Variants in FRYL observed in about 807,000 individuals in gnomAD.
FRYL encodes the protein FRY like transcription coactivator, also known as protein furry homolog-like.
In FRYL, 150 loss-of-function variants were observed where a neutral mutation model predicts 351.2. The ratio of observed to expected loss-of-function variants is 0.43; its 90% CI spans 0.37 to 0.49. The LOEUF (loss-of-function observed/expected upper bound fraction) is 0.49. Ranked by LOEUF, FRYL falls within the 20% of genes least tolerant of loss-of-function variation. The pLI, the probability that FRYL is intolerant of heterozygous loss-of-function variation, is 0.00. For synonymous variants in FRYL, 1,153 were observed against 1,257.1 expected (o/e 0.92, Z 1.75); for missense variants, 3,036 against 3,619.3 (o/e 0.84, Z 4.13).
At chr4:48,515,821 A>G (rs1305461376) in intron 55 of FRYL, among the ~76,000 whole-genome samples, 3 of 152,154 alleles carry the variant, frequency 2.0e-5, no homozygotes, top group African/African-American at 7.2e-5. Flanking sequence ...TTACTTGGAA[A>G]TATGTGCTTT....
Position 48,547,768 on chromosome 4 carries a change from C to A in FRYL, c.4890G>T (p.Gly1630=). The stretch of plus-strand genomic sequence containing the variant: ...ACACCTCAGGGTGGCAGTGGTCAAA[C>A]CCTAAAAAGGATAGTAGAGAAACAT... The part of the protein sequence containing the change: ...LHLLLHAIFI[G]FDHCHPEVYE... The change falls in exon 41 of 64, where the codon GGG becomes GGT. Residue 1630 remains glycine, a splice_region_variant and synonymous_variant. Coordinates refer to ENST00000358350, the MANE Select transcript of FRYL (RefSeq NM_015030.2). The A allele has an allele frequency of 6.7e-7, 1 of 1,482,426 alleles. No individual in the cohort carries two copies. Among genetic ancestry groups the A allele is most frequent in the Non-Finnish European group, 9.1e-7 (1 of 1,100,886 alleles). 91.8% of individuals were successfully genotyped at this position (1,482,426 alleles called of 1,614,324 possible).
intron 3 of FRYL, chr4:48,680,934 T>G: frequency 8.2e-7 from 1 of 1,217,714 alleles, no homozygotes; most frequent in Non-Finnish European, 1.1e-6. Flanking sequence ...CTTTACCTAG[T>G]TGTTGGTGTT....
intron 2 of FRYL, among the ~76,000 whole-genome samples, chr4:48,699,951 A>G (rs1184564602): frequency 6.6e-6 from 1 of 152,216 alleles, no homozygotes; most frequent in Non-Finnish European, 1.5e-5. Flanking sequence ...TATTTATTAG[A>G]GTAAAGCAAA....
At chr4:48,717,023 C>CA (rs1345197820) in intron 1 of FRYL, among the ~76,000 whole-genome samples, 1 of 147,584 alleles carries the variant, frequency 6.8e-6, no homozygotes, top group Non-Finnish European at 1.5e-5. Context: ...ATCGCAAGAA[C>CA]AAAAAACCAA....
chr4:48,634,756 T>C (rs1488156255), intron 3 of FRYL, among the ~76,000 whole-genome samples: 3 of 152,214 alleles, frequency 2.0e-5, no homozygotes, highest in Non-Finnish European at 4.4e-5. Flanking sequence ...GTTGTTGTTG[T>C]TGTTCATGGT....
At position 48,540,903 on chromosome 4, in the gene FRYL, A is replaced by C; in HGVS notation, c.5745T>G (p.Thr1915=). Reference sequence around the variant, plus strand: ...GACTTGTGCTTAGATTGAGTTGTCCAGTGCTTTTCCTGTTAGCTGCATACT... The same window carrying C: ...GACTTGTGCTTAGATTGAGTTGTCCCGTGCTTTTCCTGTTAGCTGCATACT... ...GNKYAANRKS[T]GQLNLSTSPI... is the part of the protein sequence containing the mutation. Residue 1915 remains threonine, a synonymous_variant, in exon 46 of 64, where the codon ACT becomes ACG. Coordinates refer to ENST00000358350, the MANE Select transcript of FRYL (RefSeq NM_015030.2). 6.8e-6 allele frequency: 11 copies of C among 1,612,726 alleles called. No individual in the cohort carries two copies. Among genetic ancestry groups the C allele is most frequent in the Non-Finnish European group, 9.3e-6 (11 of 1,178,956 alleles).
chr4:48,560,134 T>C (rs1397870886), intron 33 of FRYL, among the ~76,000 whole-genome samples: 2 of 151,752 alleles, frequency 1.3e-5, no homozygotes, highest in Admixed American at 6.6e-5. Context: ...GGAGCAAGAA[T>C]GGGAAGGGCC....
chr4:48,645,405 G>A (rs546827820), intron 3 of FRYL, among the ~76,000 whole-genome samples: 30 of 151,996 alleles, frequency 2.0e-4, no homozygotes, highest in African/African-American at 5.8e-4. Context: ...CACAAAAATG[G>A]CAAAGGATGG....
chr4:48,733,414 G>A (rs1308491339), intron 1 of FRYL, among the ~76,000 whole-genome samples: 2 of 151,644 alleles, frequency 1.3e-5, no homozygotes, highest in Admixed American at 6.6e-5. Context: ...GTTGCTGGTG[G>A]ACCTGCCTTG....
At chr4:48,679,045 T>C (rs1361192900) in intron 3 of FRYL, among the ~76,000 whole-genome samples, 1 of 152,166 alleles carries the variant, frequency 6.6e-6, no homozygotes, top group Non-Finnish European at 1.5e-5. Context: ...TAGGCTGTAG[T>C]AAAGTGAAGA....
chr4:48,742,934 G>A (rs1375076995), intron 1 of FRYL, among the ~76,000 whole-genome samples: 5 of 142,364 alleles, frequency 3.5e-5, no homozygotes, highest in Non-Finnish European at 7.6e-5. Context: ...AACCTCCCAA[G>A]TAGCTGGGAT....
rs532741045 is a variant in FRYL at position 48,684,061 on chromosome 4, C to T, written c.-81+612G>A. 1.4e-4 allele frequency among the ~76,000 whole-genome samples: 21 copies of T among 152,312 alleles called. 1 individual carries two copies. The highest frequency in any genetic ancestry group is 8.3e-4 in the South Asian group (4 of 4,820). Reference sequence around the variant, plus strand: ...TCACTGTTAACCTCACCATTCTCAACTGCACTTTCAACTGGAGAGAGCAAG... The same window carrying T: ...TCACTGTTAACCTCACCATTCTCAATTGCACTTTCAACTGGAGAGAGCAAG... On this transcript the variant is annotated intron_variant, in intron 3 of 63. Coordinates refer to ENST00000358350, the MANE Select transcript of FRYL (RefSeq NM_015030.2).
chr4:48,540,384 T>C lies in FRYL; in HGVS notation c.6264A>G (p.Lys2088=). The C allele has an allele frequency of 1.2e-6, 2 of 1,613,790 alleles. No homozygotes were observed. The highest frequency in any genetic ancestry group is 1.7e-6 in the Non-Finnish European group (2 of 1,179,786). ...HLLSKLISVS[K]HTLVDPSQLS... The stretch of plus-strand genomic sequence containing the variant: ...ATTGGGAAGGATCCACCAATGTATG[T>C]TTGGAGACAGAAATGAGTTTACTGA... Residue 2088 remains lysine, a synonymous_variant, in exon 46 of 64, where the codon AAA becomes AAG. Transcript: ENST00000358350.
chr4:48,546,247 T>C lies in FRYL; in HGVS notation c.5099A>G (p.Asp1700Gly). 1.9e-6 allele frequency: 3 copies of C among 1,612,798 alleles called. No individual in the cohort carries two copies. Among genetic ancestry groups the C allele is most frequent in the Non-Finnish European group, 2.5e-6 (3 of 1,178,940 alleles). Residue 1700 changes from aspartate to glycine, a missense_variant, in exon 42 of 64, where the codon GAT becomes GGT. Asp to Gly is a moderately conservative substitution (Grantham distance 94). Around this residue, in one of 7 missense-constraint regions of FRYL, gnomAD observed 1,987 missense variants for 2,311.7 expected, o/e 0.86. Transcript: ENST00000358350. ...FTAGINDFIP[D>G]YQPSPMTDSG... ...GTCAGTCATAGGGGAGGGCTGGTAA[T>C]CAGGTATAAAATCGTTAATGCCTGC... is the stretch of plus-strand genomic sequence containing the variant.
intron 4 of FRYL, among the ~76,000 whole-genome samples, chr4:48,633,721 C>T (rs1391384780): frequency 6.6e-6 from 1 of 152,148 alleles, no homozygotes; most frequent in African/African-American, 2.4e-5. Context: ...TCTTCTGCAA[C>T]CATTTCTACT....
Position 48,708,923 on chromosome 4 carries a change from T to TTTTTTG in FRYL, c.-204+1590_-204+1595dup, listed in dbSNP as rs1553866674. Among the ~76,000 whole-genome samples the TTTTTTG allele has an allele frequency of 2.9e-4, 42 of 147,340 alleles. 1 individual carries two copies. In the South Asian group the frequency reaches 8.4e-3, roughly 30 times the overall value. On this transcript the variant is annotated intron_variant, in intron 2 of 63. Transcript: ENST00000358350. ...AAGGTATCGTGTGTTTTTTTTTTTGTTTTTTGTTTTTTTTTTTGAGATGGA... is the reference window on the plus strand; with the variant it reads ...AAGGTATCGTGTGTTTTTTTTTTTGTTTTTTGTTTTTGTTTTTTTTTTTGAGATGGA...
intron 31 of FRYL, 150 bp downstream of exon 31, chr4:48,563,798 A>G (rs959621009): frequency 4.2e-6 from 3 of 719,342 alleles, no homozygotes; most frequent in Non-Finnish European, 6.8e-6. Context: ...GCATCCATGG[A>G]TTTTGGGATC....
intron 26 of FRYL, 55 bp from the exon 27 acceptor site, chr4:48,570,973 G>C: frequency 2.9e-6 from 4 of 1,380,102 alleles, no homozygotes; most frequent in Non-Finnish European, 4.1e-6. Context: ...AACTTGGAAA[G>C]AATAATGTGA....
In FRYL at chr4:48,561,580, A is replaced by G; in HGVS notation, c.3753T>C (p.Asp1251=). The G allele has an allele frequency of 6.2e-7, 1 of 1,612,906 alleles. No homozygotes were observed. Among genetic ancestry groups the G allele is most frequent in the Non-Finnish European group, 8.5e-7 (1 of 1,179,140 alleles). The change falls in exon 33 of 64, where the codon GAT becomes GAC. Residue 1251 remains aspartate (D), a synonymous_variant. Transcript: ENST00000358350. ...YAHKLEVQRT[D]GVLSQLSPLP... ...GAGGAGACAGCTGGCTGAGTACTCC[A>G]TCTGTTCTCTGAACCTCCAATTTGT... is the stretch of plus-strand genomic sequence containing the variant.
Sources: gnomAD v4.1 joint callset for allele counts (sites outside exome capture counted in the v4.1 genomes callset) on GRCh38, gnomAD v4.1.1 for gene constraint, gnomAD v4.1.1 regional missense constraint, MANE v1.5 for transcripts, NCBI Gene and HGNC (gene_info 2026-07-23, HGNC 2026-07-21) for gene names.